The following TCF7 variants were observed in gnomAD, a reference collection of about 807,000 sequenced individuals.
TCF7 encodes the protein transcription factor 7, also known as T-cell-factor-7.
A neutral mutation model predicts 46.8 loss-of-function variants in TCF7; 19 were observed. That is an observed-to-expected ratio of 0.41 (90% CI 0.28 to 0.60). The LOEUF (loss-of-function observed/expected upper bound fraction) is 0.60. Among genes scored for constraint, TCF7 ranks in the 20% least tolerant of loss-of-function variants. The pLI is 0.35. For synonymous variants in TCF7, 245 were observed against 213.4 expected, an observed-to-expected ratio of 1.15 and a Z score of -1.29; for missense variants, 547 against 504.6, an observed-to-expected ratio of 1.08 and a Z score of -0.81.
At position 134,115,981 on chromosome 5, in the gene TCF7, A is replaced by G; in HGVS notation, c.389A>G (p.His130Arg). The change falls in exon 3 of 10, where the codon CAT (histidine) becomes CGT (arginine). Residue 130 changes from histidine (H) to arginine (R), a missense_variant. Transcript: ENST00000342854. ...TVYSAFNLLM[H>R]YPPPSGAGQH... ...TACTCCGCCTTCAATCTGCTCATGCATTACCCACCCCCCTCGGGAGCAGGG... is the reference window on the plus strand; with the variant it reads ...TACTCCGCCTTCAATCTGCTCATGCGTTACCCACCCCCCTCGGGAGCAGGG... The G allele has an allele frequency of 6.2e-7, 1 of 1,613,916 alleles. No individual in the cohort carries two copies.
intron 9 of TCF7, chr5:134,145,429 C>T: frequency 3.6e-6 from 2 of 561,472 alleles, no homozygotes; most frequent in Non-Finnish European, 6.8e-6. Flanking sequence ...CCTGGGCTGT[C>T]TGAGGGAAAG....
chr5:134,143,785 A>C (rs2149357249), intron 9 of TCF7, 145 bp downstream of exon 9: 568 of 829,500 alleles, frequency 6.8e-4, no homozygotes, highest in Non-Finnish European at 9.5e-4. Flanking sequence ...CCTGCATCTC[A>C]CAAGTCAAAT....
In TCF7 at chr5:134,115,364, A is replaced by C. The variant is rs1406782988; in HGVS notation, c.293A>C (p.Lys98Thr). 1 of 1,602,664 alleles carries C rather than the reference A, an allele frequency of 6.2e-7. No homozygotes were observed. The highest frequency in any genetic ancestry group is 1.1e-5 in the South Asian group (1 of 89,048). Residue 98 changes from lysine to threonine, a missense_variant, in exon 2 of 10, where the codon AAA becomes ACA. Around this residue, in one of 3 missense-constraint regions of TCF7, gnomAD observed 425 missense variants for 349.9 expected, o/e 1.21. Transcript: ENST00000342854. ...EHAAQRLFPD[K>T]LPEPLEDGLK... is the part of the protein sequence containing the mutation. Reference sequence around the variant, plus strand: ...GCTGCGCAGAGACTCTTCCCGGACAAACTTCCAGAGCCCCTGGAGGACGGT... The same window carrying C: ...GCTGCGCAGAGACTCTTCCCGGACACACTTCCAGAGCCCCTGGAGGACGGT...
chr5:134,142,353 A>T (rs1195171592), intron 6 of TCF7, 49 bp downstream of exon 6: 2 of 1,510,516 alleles, frequency 1.3e-6, no homozygotes, highest in South Asian at 2.5e-5. Context: ...CAGGATACAC[A>T]TGCCTCCCCA....
intron 9 of TCF7, chr5:134,145,761 C>T (rs1250106318): frequency 6.2e-7 from 1 of 1,613,944 alleles, no homozygotes; most frequent in African/African-American, 1.3e-5. Flanking sequence ...GCCCAGAGAA[C>T]TCAAGGATGG....
chr5:134,132,745 G>A (rs1166206670), intron 3 of TCF7, among the ~76,000 whole-genome samples: 6 of 151,478 alleles, frequency 4.0e-5, no homozygotes, highest in Middle Eastern at 3.4e-3. Context: ...TGGGGGGTGC[G>A]GGTTGGGGGG....
At chr5:134,116,232 C>G in intron 3 of TCF7, 199 bp downstream of exon 3, 1 of 1,248,010 alleles carries the variant, frequency 8.0e-7, no homozygotes, top group Non-Finnish European at 1.1e-6. Context: ...TGGGGCACCC[C>G]CCTGCCCTCT....
At chr5:134,137,416 ACT>A (rs1250958178) in intron 3 of TCF7, among the ~76,000 whole-genome samples, 1 of 133,236 alleles carries the variant, frequency 7.5e-6, no homozygotes, top group Non-Finnish European at 1.5e-5. Context: ...ACAGAGTGAG[ACT>A]CTGTCTCAAA....
intron 3 of TCF7, among the ~76,000 whole-genome samples, chr5:134,124,338 C>T (rs1207514136): frequency 6.6e-6 from 1 of 152,248 alleles, no homozygotes; most frequent in Non-Finnish European, 1.5e-5. Context: ...CTGCTGCACA[C>T]AAGCTGTCTA....
chr5:134,134,659 A>G (rs1758607782), intron 3 of TCF7, among the ~76,000 whole-genome samples: 1 of 152,172 alleles, frequency 6.6e-6, no homozygotes, highest in South Asian at 2.1e-4. Context: ...ATCTGTGACC[A>G]ATGAGGTGAG....
At chr5:134,123,749 G>A (rs1322581950) in intron 3 of TCF7, 1 of 456,202 alleles carries the variant, frequency 2.2e-6, no homozygotes, top group Non-Finnish European at 4.4e-6. Flanking sequence ...CAGCATGTTG[G>A]CATCATGGTA....
At chr5:134,117,861 C>T (rs1373397198) in intron 3 of TCF7, among the ~76,000 whole-genome samples, 6 of 152,244 alleles carry the variant, frequency 3.9e-5, no homozygotes, top group Non-Finnish European at 7.3e-5. Context: ...TGTCTGGCTT[C>T]TGGCCACACA....
chr5:134,146,363 C>A lies in TCF7; in HGVS notation c.*60C>A, dbSNP rs1480107555. On this transcript the variant is annotated 3_prime_UTR_variant, in exon 10 of 10. Coordinates refer to ENST00000342854, the MANE Select transcript of TCF7 (RefSeq NM_003202.5). ...CTCATACCATCTGCTGCCCCGCTTC[C>A]CCACAGAACTGCTTACTAGCCCTGC... 1 of 1,592,650 alleles carries A rather than the reference C, an allele frequency of 6.3e-7. No individual in the cohort carries two copies. The highest frequency in any genetic ancestry group is 8.6e-7 in the Non-Finnish European group (1 of 1,160,436).
chr5:134,134,693 T>C lies in TCF7; in HGVS notation c.442-3366T>C, dbSNP rs1349911766. On this transcript the variant is annotated intron_variant, in intron 3 of 9. Transcript: ENST00000342854. ...AGTAGGACTGGTATTCTCATCTCCG[T>C]TTTACAAGGAGAGAAAATGCAGCCC... is the stretch of plus-strand genomic sequence containing the variant. Among the ~76,000 whole-genome samples, 5 of 152,126 alleles carry C rather than the reference T, an allele frequency of 3.3e-5. No homozygotes were observed. In the East Asian group the frequency reaches 9.6e-4, roughly 29 times the overall value.
intron 3 of TCF7, among the ~76,000 whole-genome samples, chr5:134,135,204 C>T (rs1758690769): frequency 6.6e-6 from 1 of 152,230 alleles, no homozygotes; most frequent in African/African-American, 2.4e-5. Context: ...AAGCAGTCCT[C>T]CTCCCTCAGC....
chr5:134,139,559 C>A (rs183226920), intron 5 of TCF7: 48 of 154,120 alleles, frequency 3.1e-4, no homozygotes, highest in Admixed American at 1.1e-3. Context: ...CTCTGACCAG[C>A]CTGCTTGGAG....
intron 3 of TCF7, among the ~76,000 whole-genome samples, chr5:134,119,472 CAG>C (rs926337690): frequency 3.9e-5 from 6 of 152,190 alleles, no homozygotes; most frequent in African/African-American, 1.4e-4. Context: ...ACCTTTAAAA[CAG>C]TGTATTTTAT....
chr5:134,115,203 G>T (rs1181818408), intron 1 of TCF7, 48 bp downstream of exon 1: 11 of 1,130,916 alleles, frequency 9.7e-6, no homozygotes, highest in African/African-American at 3.3e-5. Context: ...GCCGCGCCGC[G>T]CCGCCCCAGT....
rs570717890 is a variant in TCF7 at position 134,142,492 on chromosome 5, G to A, written c.755+188G>A. ...AGGATTTTTCTGAGCCAACAGAGGA[G>A]GGGCTCAGAAGTCCTTAACACATGC... On this transcript the variant is annotated intron_variant, in intron 6 of 9. Transcript: ENST00000342854. 2.0e-5 allele frequency among the ~76,000 whole-genome samples: 3 copies of A among 152,266 alleles called. No individual in the cohort carries two copies. The South Asian group carries it at 6.2e-4, about 32-fold the overall frequency.
Sources: allele counts gnomAD v4.1 joint callset (sites outside exome capture counted in the v4.1 genomes callset), GRCh38; gene constraint gnomAD v4.1.1; regional missense constraint gnomAD v4.1.1; transcripts MANE v1.5; gene names NCBI Gene and HGNC (gene_info 2026-07-23, HGNC 2026-07-21).